MAPT: variants seen among roughly 807,000 people sequenced by gnomAD.
The protein encoded by MAPT is microtubule associated protein tau, also known as microtubule-associated protein tau.
A neutral mutation model predicts 67.9 loss-of-function variants in MAPT; 34 were observed. That is an observed-to-expected ratio of 0.50 (90% CI 0.38 to 0.67). MAPT has a LOEUF of 0.67. Ranked by LOEUF, MAPT falls within the 30% of genes least tolerant of loss-of-function variation. The pLI is 0.00. For missense variants in MAPT, 881 were observed against 1,115.2 expected, an observed-to-expected ratio of 0.79 and a Z score of 2.99; for synonymous variants, 456 against 464.5, an observed-to-expected ratio of 0.98 and a Z score of 0.23.
At position 45,896,418 on chromosome 17, in the gene MAPT, C is replaced by T. The variant is rs965859272; in HGVS notation, c.-18+1732C>T. 4 of 152,260 alleles carry T rather than the reference C, an allele frequency of 2.6e-5. No individual in the cohort carries two copies. Among genetic ancestry groups the T allele is most frequent in the African/African-American group, 9.6e-5 (4 of 41,460 alleles). 9.4% of individuals were successfully genotyped at this position (152,260 alleles called of 1,614,324 possible). On this transcript the variant is annotated intron_variant, in intron 1 of 12. Coordinates refer to ENST00000262410, the MANE Select transcript of MAPT (RefSeq NM_001377265.1). The surrounding 1 kb of genome is among the most constrained non-coding windows in gnomAD (Gnocchi z 5.6). ...TCTCCGGCTTTACGCCCTGTTGCTT[C>T]GCCTGGCCGGAGAATGTGAGGAAGG...
chr17:45,957,384 A>C (rs1218710181), intron 1 of MAPT, among the ~76,000 whole-genome samples: 2 of 152,204 alleles, frequency 1.3e-5, no homozygotes, highest in African/African-American at 4.8e-5. Context: ...CTGTTGGCGA[A>C]CTCTAGCAGC....
At chr17:45,933,266 G>C (rs1218623865) in intron 1 of MAPT, among the ~76,000 whole-genome samples, 4 of 124,240 alleles carry the variant, frequency 3.2e-5, no homozygotes, top group African/African-American at 1.1e-4. Flanking sequence ...TTTTGAGACA[G>C]AGTCTCTCTC....
At chr17:45,978,546 TC>T in intron 4 of MAPT, 106 bp downstream of exon 4, 2 of 898,166 alleles carry the variant, frequency 2.2e-6, no homozygotes, top group Non-Finnish European at 3.5e-6. Context: ...AATTCACAAG[TC>T]CAGGAGATTT....
At chr17:45,958,545 AC>A (rs1235040262) in intron 1 of MAPT, among the ~76,000 whole-genome samples, 2 of 151,938 alleles carry the variant, frequency 1.3e-5, no homozygotes, top group African/African-American at 4.8e-5. Flanking sequence ...ACATGGTGAA[AC>A]CCTGCCTCTA....
At chr17:45,953,470 G>A (rs1166598869) in intron 1 of MAPT, among the ~76,000 whole-genome samples, 3 of 152,220 alleles carry the variant, frequency 2.0e-5, no homozygotes, top group Non-Finnish European at 4.4e-5. Flanking sequence ...CCTGTCCCAG[G>A]ATCAGGGTGG....
intron 1 of MAPT, among the ~76,000 whole-genome samples, chr17:45,934,649 G>A (rs900179046): frequency 6.6e-6 from 1 of 152,232 alleles, no homozygotes; most frequent in African/African-American, 2.4e-5. Context: ...ACGTAACCAT[G>A]TCAATGCAAA....
At chr17:45,913,251 A>C (rs141416767) in intron 1 of MAPT, among the ~76,000 whole-genome samples, 218 of 152,334 alleles carry the variant, frequency 1.4e-3, no homozygotes, top group African/African-American at 4.9e-3. Context: ...ACAGGGAGAG[A>C]GAGCTTGTGC....
intron 1 of MAPT, among the ~76,000 whole-genome samples, chr17:45,945,483 T>C (rs1309667504): frequency 6.6e-6 from 1 of 152,202 alleles, no homozygotes; most frequent in Non-Finnish European, 1.5e-5. Flanking sequence ...TCAACAGCGA[T>C]GCTACAAATT....
chr17:45,996,808 C>A lies in MAPT; in HGVS notation c.1998+144C>A. The A allele has an allele frequency of 8.8e-7, 1 of 1,134,050 alleles. No individual in the cohort carries two copies. Among genetic ancestry groups the A allele is most frequent in the Non-Finnish European group, 1.2e-6 (1 of 808,206 alleles). 70.2% of individuals were successfully genotyped at this position (1,134,050 alleles called of 1,614,324 possible). A position where few individuals can be genotyped will look rare whatever the true frequency, so the allele number is the denominator to read the frequency against. The stretch of plus-strand genomic sequence containing the variant: ...GTGCATGGAGGTGTGGGGCTCCCCG[C>A]ACCTGAGCACCCCCGCATAACACCC... On this transcript the variant is annotated intron_variant, in intron 9 of 12. Transcript: ENST00000262410. The surrounding 1 kb of genome is among the most constrained non-coding windows in gnomAD (Gnocchi z 4.5).
At position 45,915,314 on chromosome 17, in the gene MAPT, CTG is replaced by C. The variant is rs948801199; in HGVS notation, c.-18+20636_-18+20637del. ...GTGTGCTGTGTGAGCGTGTGTGAGT[CTG>C]TGTGTGTAGTGTGTGTGTGAAGTAT... On this transcript the variant is annotated intron_variant, in intron 1 of 12. Coordinates refer to ENST00000262410, the MANE Select transcript of MAPT (RefSeq NM_001377265.1). This position sits in a 1 kb window ranked among gnomAD's most constrained non-coding sequence, Gnocchi z 4.4. Among the ~76,000 whole-genome samples the C allele has an allele frequency of 9.9e-5, 14 of 141,110 alleles. No individual in the cohort carries two copies. The highest frequency in any genetic ancestry group is 2.3e-4 in the South Asian group (1 of 4,290). The allele number at this position is 141,110 out of a possible 152,430, so 92.6% of individuals were successfully genotyped here. A position where few individuals can be genotyped will look rare whatever the true frequency, so the allele number is the denominator to read the frequency against.
At chr17:45,947,344 A>C (rs1333460572) in intron 1 of MAPT, among the ~76,000 whole-genome samples, 1 of 151,602 alleles carries the variant, frequency 6.6e-6, no homozygotes, top group Admixed American at 6.6e-5. Context: ...ATCCAGCGTC[A>C]CAAGGGTGTT....
chr17:45,946,588 G>A lies in MAPT; in HGVS notation c.-17-15733G>A, dbSNP rs556924058. Reference sequence around the variant, plus strand: ...CACTCCAGCCTGGGCGACCGAGGGGGACTCTGTCTTAAAAAAAAAAAAAAA... The same window carrying A: ...CACTCCAGCCTGGGCGACCGAGGGGAACTCTGTCTTAAAAAAAAAAAAAAA... On this transcript the variant is annotated intron_variant, in intron 1 of 12. Coordinates refer to ENST00000262410, the MANE Select transcript of MAPT (RefSeq NM_001377265.1). Among the ~76,000 whole-genome samples, 15 of 108,384 alleles carry A rather than the reference G, an allele frequency of 1.4e-4. No homozygotes were observed. The South Asian group carries it at 3.6e-3, about 26-fold the overall frequency. 71.1% of individuals were successfully genotyped at this position (108,384 alleles called of 152,430 possible).
At chr17:45,970,825 C>T (rs1256022503) in intron 2 of MAPT, among the ~76,000 whole-genome samples, 1 of 152,226 alleles carries the variant, frequency 6.6e-6, no homozygotes, top group South Asian at 2.1e-4. Context: ...AGGACCCTAT[C>T]GGCTGGCCAT....
Position 45,897,460 on chromosome 17 carries a change from G to C in MAPT, c.-18+2774G>C, listed in dbSNP as rs140005016. Reference sequence around the variant, plus strand: ...GGGCGCTGTTAATGGAGGAACCTCAGGGGGACGGTCCTTCGTAGGAAACTC... The same window carrying C: ...GGGCGCTGTTAATGGAGGAACCTCACGGGGACGGTCCTTCGTAGGAAACTC... On this transcript the variant is annotated intron_variant, in intron 1 of 12. Coordinates refer to ENST00000262410, the MANE Select transcript of MAPT (RefSeq NM_001377265.1). The surrounding 1 kb of genome is among the most constrained non-coding windows in gnomAD (Gnocchi z 5.0). The C allele has an allele frequency of 1.3e-5, 2 of 152,264 alleles. No individual in the cohort carries two copies. The highest frequency in any genetic ancestry group is 2.9e-5 in the Non-Finnish European group (2 of 68,066). 9.4% of individuals were successfully genotyped at this position (152,264 alleles called of 1,614,324 possible).
chr17:45,989,940 C>T lies in MAPT; in HGVS notation c.1470C>T (p.Pro490=), dbSNP rs779560056. Residue 490 remains proline, a synonymous_variant, in exon 7 of 13, where the codon CCC becomes CCT. Transcript: ENST00000262410. ...KNRPCLSPKH[P]TPGSSDPLIQ... ...GGCCTTGCCTTAGCCCCAAACACCCCACTCCTGGTAGCTCAGACCCTCTGA... is the reference window on the plus strand; with the variant it reads ...GGCCTTGCCTTAGCCCCAAACACCCTACTCCTGGTAGCTCAGACCCTCTGA... 4.3e-6 allele frequency: 7 copies of T among 1,614,052 alleles called. No homozygotes were observed. The African/African-American group carries it at 8.0e-5, about 18-fold the overall frequency.
At chr17:45,898,662 A>T (rs1351482463) in intron 1 of MAPT, 1 of 152,120 alleles carries the variant, frequency 6.6e-6, no homozygotes, top group East Asian at 1.9e-4. Flanking sequence ...TTCCAATTGG[A>T]CATGTGATAA....
At chr17:45,998,356 C>A (rs1446258676) in intron 9 of MAPT, among the ~76,000 whole-genome samples, 4 of 152,170 alleles carry the variant, frequency 2.6e-5, no homozygotes, top group Non-Finnish European at 5.9e-5. Flanking sequence ...GACCCTGCCT[C>A]TGTGCATCAG....
intron 1 of MAPT, among the ~76,000 whole-genome samples, chr17:45,921,764 T>C (rs931602429): frequency 6.6e-6 from 1 of 152,226 alleles, no homozygotes; most frequent in African/African-American, 2.4e-5. Flanking sequence ...AAACTCTATC[T>C]GGAGGAATTC....
intron 1 of MAPT, among the ~76,000 whole-genome samples, chr17:45,933,392 C>T (rs546325572): frequency 1.3e-5 from 2 of 151,722 alleles, no homozygotes; most frequent in South Asian, 4.2e-4. Flanking sequence ...TTACAGGGCA[C>T]CACACCAGGC....
Sources: gnomAD v4.1 joint callset for allele counts (sites outside exome capture counted in the v4.1 genomes callset) on GRCh38, gnomAD v4.1.1 for gene constraint, Gnocchi (gnomAD v3.1) non-coding constraint, MANE v1.5 for transcripts, NCBI Gene and HGNC (gene_info 2026-07-23, HGNC 2026-07-21) for gene names.